WDPCP: variants seen among roughly 807,000 people sequenced by gnomAD.
The protein encoded by WDPCP is WD repeat containing planar cell polarity effector.
WDPCP carries 71 observed loss-of-function variants against 93.1 expected under a neutral mutation model. That is an observed-to-expected ratio of 0.76 (90% confidence interval 0.63 to 0.93). WDPCP has a LOEUF of 0.93. WDPCP is among the 40% of genes least tolerant of loss of function. The probability of loss-of-function intolerance (pLI) is 0.00; values close to 1 mark genes in which losing one functional copy is unlikely to be tolerated. For missense variants in WDPCP, 844 were observed against 887.4 expected, an observed-to-expected ratio of 0.95 and a Z score of 0.62; for synonymous variants, 315 against 315.0, an observed-to-expected ratio of 1.00 and a Z score of 0.00.
At chr2:63,381,818 G>T in intron 11 of WDPCP, 88 bp downstream of exon 11, 2 of 1,370,856 alleles carry the variant, frequency 1.5e-6, no homozygotes, top group South Asian at 2.5e-5. Flanking sequence ...CCAATACCAT[G>T]ACTCAAAAAC....
At chr2:63,537,625 A>C (rs1019858407) in intron 1 of WDPCP, among the ~76,000 whole-genome samples, 4 of 152,046 alleles carry the variant, frequency 2.6e-5, no homozygotes, top group African/African-American at 9.7e-5. Flanking sequence ...GCACTTACCT[A>C]TCCCTGCTTT....
chr2:63,465,239 T>C (rs906218063), intron 6 of WDPCP, among the ~76,000 whole-genome samples: 12 of 152,108 alleles, frequency 7.9e-5, no homozygotes, highest in African/African-American at 2.9e-4. Flanking sequence ...AATAAACCTA[T>C]GACTTAGGTA....
intron 13 of WDPCP, among the ~76,000 whole-genome samples, chr2:63,307,276 T>C (rs1241765752): frequency 1.3e-5 from 2 of 152,146 alleles, no homozygotes; most frequent in Non-Finnish European, 1.5e-5. Flanking sequence ...TGCTCATGGA[T>C]AGGAAGAATC....
At chr2:63,191,176 A>G (rs1445299653) in intron 14 of WDPCP, among the ~76,000 whole-genome samples, 1 of 152,140 alleles carries the variant, frequency 6.6e-6, no homozygotes, top group Non-Finnish European at 1.5e-5. Flanking sequence ...GCGGATCACA[A>G]GGTCAGGAGA....
intron 14 of WDPCP, among the ~76,000 whole-genome samples, chr2:63,226,168 A>C (rs1025030001): frequency 1.3e-5 from 2 of 151,884 alleles, no homozygotes; most frequent in African/African-American, 2.4e-5. Context: ...TTAGAAAAAT[A>C]AAGGTAGATG....
At chr2:63,483,559 GA>G (rs2105899719) in intron 6 of WDPCP, among the ~76,000 whole-genome samples, 1 of 151,910 alleles carries the variant, frequency 6.6e-6, no homozygotes, top group East Asian at 1.9e-4. Flanking sequence ...CCACAAAAAT[GA>G]TAGTATATAT....
chr2:63,140,192 A>T (rs1670953370), intron 17 of WDPCP, among the ~76,000 whole-genome samples: 5 of 152,130 alleles, frequency 3.3e-5, no homozygotes. Context: ...TTATACCAGT[A>T]CCATGCTGTT....
At chr2:63,508,686 C>T (rs1411262367) in intron 1 of WDPCP, among the ~76,000 whole-genome samples, 1 of 152,064 alleles carries the variant, frequency 6.6e-6, no homozygotes, top group Non-Finnish European at 1.5e-5. Context: ...GTTCAGGAGA[C>T]CCATCTCACA....
At chr2:63,511,671 G>A (rs1702241694) in intron 1 of WDPCP, among the ~76,000 whole-genome samples, 1 of 152,172 alleles carries the variant, frequency 6.6e-6, no homozygotes, top group Non-Finnish European at 1.5e-5. Context: ...TTAATAAATG[G>A]TGCTGGGAAA....
At chr2:63,838,326 T>C in the WDPCP span, among the ~76,000 whole-genome samples, 4 of 152,184 alleles carry the variant, frequency 2.6e-5, no homozygotes, top group South Asian at 4.1e-4. Context: ...GAAAAAGATA[T>C]GGTGAGGTTG....
chr2:63,702,843 G>A (rs986950848), intron 2 of WDPCP, among the ~76,000 whole-genome samples: 1 of 151,712 alleles, frequency 6.6e-6, no homozygotes, highest in African/African-American at 2.4e-5. Flanking sequence ...TTAGCATTGG[G>A]TATATCTCCT....
At chr2:63,297,570 C>T (rs375430907) in intron 13 of WDPCP, among the ~76,000 whole-genome samples, 32 of 152,172 alleles carry the variant, frequency 2.1e-4, no homozygotes, top group Admixed American at 7.9e-4. Context: ...ATACAAACTA[C>T]AACAACAAAA....
chr2:63,316,542 A>G (rs1686655057), intron 12 of WDPCP, among the ~76,000 whole-genome samples: 1 of 152,018 alleles, frequency 6.6e-6, no homozygotes, highest in African/African-American at 2.4e-5. Flanking sequence ...ATTCCCAGCT[A>G]CTCAGGAGGC....
intron 3 of WDPCP, among the ~76,000 whole-genome samples, chr2:63,644,331 G>A (rs759660409): frequency 4.3e-5 from 6 of 139,484 alleles, no homozygotes; most frequent in South Asian, 2.3e-4. Context: ...TGCAACCTCC[G>A]CCTCCTGGGT....
At chr2:63,175,979 A>G (rs763028171) in intron 14 of WDPCP, among the ~76,000 whole-genome samples, 1 of 152,140 alleles carries the variant, frequency 6.6e-6, no homozygotes, top group Non-Finnish European at 1.5e-5. Flanking sequence ...CAGTGGATCT[A>G]TCTTTAAATT....
chr2:63,368,299 TTTATTTATTTATTTA>T (rs1691087162), intron 12 of WDPCP, among the ~76,000 whole-genome samples: 2 of 41,242 alleles, frequency 4.8e-5, no homozygotes, highest in African/African-American at 4.8e-4. Context: ...TTATTTTTAA[TTTATTTATTTATTTA>T]TTTATTTATT....
intron 1 of WDPCP, among the ~76,000 whole-genome samples, chr2:63,575,467 G>GTATATACAGTGTATACACTGTATATA (rs1558832897): frequency 2.2e-3 from 15 of 6,820 alleles, no homozygotes; most frequent in East Asian, 0.014. Context: ...CAGTATATAT[G>GTATATACAGTGTATACACTGTATATA]CAGTATATAC....
chr2:63,126,097 G>C (rs917910329), intron 17 of WDPCP, among the ~76,000 whole-genome samples: 11 of 151,540 alleles, frequency 7.3e-5, no homozygotes, highest in African/African-American at 2.4e-4. Flanking sequence ...ACCACACCAG[G>C]CTATTTTTGT....
intron 3 of WDPCP, among the ~76,000 whole-genome samples, chr2:63,641,950 C>T (rs1234206943): frequency 6.6e-6 from 1 of 152,008 alleles, no homozygotes; most frequent in Non-Finnish European, 1.5e-5. Context: ...CTTTAATCCA[C>T]TTTTATTTGA....
Sources: allele counts gnomAD v4.1 joint callset (sites outside exome capture counted in the v4.1 genomes callset), GRCh38; gene constraint gnomAD v4.1.1; transcripts MANE v1.5; gene names NCBI Gene and HGNC (gene_info 2026-07-23, HGNC 2026-07-21).